FBXL2: variants seen among roughly 807,000 people sequenced by gnomAD.
FBXL2 encodes F-box and leucine rich repeat protein 2.
Under a neutral mutation model 69.2 loss-of-function variants are expected in FBXL2, and 38 were observed. That is an observed-to-expected ratio of 0.55 (90% CI 0.42 to 0.72). FBXL2 has a LOEUF of 0.72. Ranked by LOEUF, FBXL2 falls within the 30% of genes least tolerant of loss-of-function variation. The probability of loss-of-function intolerance (pLI) is 0.00; values close to 1 mark genes in which losing one functional copy is unlikely to be tolerated. For missense variants in FBXL2, 354 were observed against 520.3 expected (o/e 0.68, Z 3.11); for synonymous variants, 192 against 201.3 (o/e 0.95, Z 0.39).
At chr3:33,331,621 A>C (rs1406009848) in intron 2 of FBXL2, among the ~76,000 whole-genome samples, 1 of 152,218 alleles carries the variant, frequency 6.6e-6, no homozygotes, top group Non-Finnish European at 1.5e-5. Flanking sequence ...TAGAAGGATG[A>C]AACCTTTGGG....
chr3:33,412,567 G>A, the FBXL2 span, among the ~76,000 whole-genome samples: 4 of 140,480 alleles, frequency 2.8e-5, no homozygotes, highest in African/African-American at 5.5e-5. Flanking sequence ...GGGCGAGAGA[G>A]CAAGGCTCTG....
intron 6 of FBXL2, 49 bp downstream of exon 6, chr3:33,373,209 A>C (rs2042407817): frequency 6.2e-7 from 1 of 1,610,624 alleles, no homozygotes; most frequent in African/African-American, 1.3e-5. Context: ...GGGAGAGAGA[A>C]GGGAGAGAAA....
At chr3:33,340,767 C>G (rs1402300832) in intron 2 of FBXL2, among the ~76,000 whole-genome samples, 1 of 151,464 alleles carries the variant, frequency 6.6e-6, no homozygotes, top group East Asian at 1.9e-4. Flanking sequence ...TGGCACATGC[C>G]TGTAATCCCA....
intron 12 of FBXL2, chr3:33,396,988 C>T: frequency 2.7e-6 from 4 of 1,505,340 alleles, no homozygotes; most frequent in Non-Finnish European, 3.7e-6. Context: ...TGCCCAAATT[C>T]CCCACGCGAA....
intron 4 of FBXL2, among the ~76,000 whole-genome samples, chr3:33,359,611 C>T (rs909371719): frequency 1.3e-5 from 2 of 151,968 alleles, no homozygotes; most frequent in Admixed American, 1.3e-4. Context: ...TTTAAAGCCA[C>T]ACACCTGCAT....
rs146499289 is a variant in FBXL2, at chr3:33,386,537, A to C, written c.*929A>C. ...TTAAAAATCAGGTTACACCATAGCT[A>C]CTCAAAAGTTTTACACACTTAAAAC... On this transcript the variant is annotated 3_prime_UTR_variant, in exon 15 of 15. Transcript: ENST00000484457. 1.1e-3 allele frequency: 174 copies of C among 152,216 alleles called. No homozygotes were observed. Among genetic ancestry groups the C allele is most frequent in the Middle Eastern group, 6.8e-3 (2 of 294 alleles). 9.4% of individuals were successfully genotyped at this position (152,216 alleles called of 1,614,324 possible). A position where few individuals can be genotyped will look rare whatever the true frequency, so the allele number is the denominator to read the frequency against.
intron 2 of FBXL2, among the ~76,000 whole-genome samples, chr3:33,309,330 A>G (rs776543311): frequency 6.6e-6 from 1 of 152,128 alleles, no homozygotes; most frequent in Non-Finnish European, 1.5e-5. Context: ...GTTATATTCT[A>G]TTGATGAATT....
At chr3:33,286,047 C>T (rs537072926) in intron 1 of FBXL2, among the ~76,000 whole-genome samples, 1 of 152,156 alleles carries the variant, frequency 6.6e-6, no homozygotes, top group Non-Finnish European at 1.5e-5. Flanking sequence ...CTCTCAAAGT[C>T]ATTCTCCATC....
In FBXL2 at chr3:33,398,636, G is replaced by A. The variant is rs112846324; in HGVS notation, n.1215-4598G>A. ...CAAAGGGTACCATGGCTAGCTCCTCGCCCACTTTCTTGGAAGAAGCCCCCA... is the reference window on the plus strand; with the variant it reads ...CAAAGGGTACCATGGCTAGCTCCTCACCCACTTTCTTGGAAGAAGCCCCCA... On this transcript the variant is annotated intron_variant and non_coding_transcript_variant, in intron 12 of 12. Transcript: ENST00000463736. Among the ~76,000 whole-genome samples, 150 of 152,262 alleles carry A rather than the reference G, an allele frequency of 9.9e-4. No homozygotes were observed. The East Asian group carries it at 0.014, about 14-fold the overall frequency.
At chr3:33,363,374 A>G (rs2041759986) in intron 4 of FBXL2, among the ~76,000 whole-genome samples, 1 of 152,224 alleles carries the variant, frequency 6.6e-6, no homozygotes, top group African/African-American at 2.4e-5. Flanking sequence ...TGAATTCATC[A>G]TGCTTACAGT....
chr3:33,320,008 A>T (rs369490930), intron 2 of FBXL2, among the ~76,000 whole-genome samples: 57 of 152,324 alleles, frequency 3.7e-4, no homozygotes, highest in African/African-American at 1.4e-3. Context: ...AAATATATTC[A>T]TGTATAGATA....
At chr3:33,343,131 G>A (rs1462613856) in intron 2 of FBXL2, among the ~76,000 whole-genome samples, 1 of 151,742 alleles carries the variant, frequency 6.6e-6, no homozygotes, top group African/African-American at 2.4e-5. Flanking sequence ...TCATGAATTA[G>A]TATAGTATTC....
At chr3:33,373,384 G>T (rs1479416211) in intron 7 of FBXL2, 29 bp downstream of exon 7, 1 of 1,566,686 alleles carries the variant, frequency 6.4e-7, no homozygotes, top group Admixed American at 1.7e-5. Context: ...TGTGTCAAGA[G>T]AAATACCCAA....
the FBXL2 span, chr3:33,412,950 C>T: frequency 1.6e-6 from 1 of 609,394 alleles, no homozygotes. Flanking sequence ...CTGTTTTAAA[C>T]ATTCTGTAAG....
At chr3:33,286,184 C>T (rs945749875) in intron 1 of FBXL2, among the ~76,000 whole-genome samples, 1 of 152,148 alleles carries the variant, frequency 6.6e-6, no homozygotes, top group Non-Finnish European at 1.5e-5. Flanking sequence ...TACCTTTGGT[C>T]TTTGATGATG....
At position 33,401,512 on chromosome 3, in the gene FBXL2, A is replaced by G. The variant is rs1038553489; in HGVS notation, n.1215-1722A>G. On this transcript the variant is annotated intron_variant and non_coding_transcript_variant, in intron 12 of 12. Transcript: ENST00000463736. The stretch of plus-strand genomic sequence containing the variant: ...TGAGGGTGAATTTCAAGAGAACAAA[A>G]GAAATTAACTTGTACCACTATCCTT... 3.9e-5 allele frequency among the ~76,000 whole-genome samples: 6 copies of G among 152,374 alleles called. No individual in the cohort carries two copies. In the South Asian group the frequency reaches 1.2e-3, roughly 32 times the overall value.
chr3:33,417,293 A>T, the FBXL2 span, among the ~76,000 whole-genome samples: 1 of 97,106 alleles, frequency 1.0e-5, no homozygotes, highest in Non-Finnish European at 2.1e-5. Flanking sequence ...TCCCTCCCCC[A>T]CCCCCCACCT....
chr3:33,340,061 A>G (rs768472928), intron 2 of FBXL2, among the ~76,000 whole-genome samples: 45 of 152,216 alleles, frequency 3.0e-4, no homozygotes, highest in Admixed American at 5.9e-4. Flanking sequence ...GTGAAGTGCA[A>G]TATCAGTTGA....
chr3:33,395,157 T>C (rs1252919503), intron 12 of FBXL2, among the ~76,000 whole-genome samples: 1 of 152,210 alleles, frequency 6.6e-6, no homozygotes, highest in African/African-American at 2.4e-5. Context: ...AGAATTTGTA[T>C]ACTTAATCTC....
Sources: gnomAD v4.1 joint callset for allele counts (sites outside exome capture counted in the v4.1 genomes callset) on GRCh38, gnomAD v4.1.1 for gene constraint, MANE v1.5 for transcripts, NCBI Gene and HGNC (gene_info 2026-07-23, HGNC 2026-07-21) for gene names.